PHACTR1: variants seen among roughly 807,000 people sequenced by gnomAD.
PHACTR1 encodes the protein RPEL repeat containing 1.
A neutral mutation model predicts 69.2 loss-of-function variants in PHACTR1; 16 were observed. The observed-to-expected ratio is 0.23, with a 90% CI of 0.16 to 0.35. PHACTR1 has a LOEUF of 0.35. Ranked by LOEUF, PHACTR1 falls within the 10% of genes least tolerant of loss-of-function variation. The pLI is 1.00. For missense variants in PHACTR1, 510 were observed against 734.7 expected, an observed-to-expected ratio of 0.69 and a Z score of 3.54; for synonymous variants, 312 against 284.5, an observed-to-expected ratio of 1.10 and a Z score of -0.97.
intron 4 of PHACTR1, among the ~76,000 whole-genome samples, chr6:13,006,669 A>T (rs1485101482): frequency 6.6e-6 from 1 of 152,126 alleles, no homozygotes; most frequent in East Asian, 1.9e-4. Flanking sequence ...ATACACACAC[A>T]CACACACACA....
At chr6:12,739,335 C>G (rs1581517291) in intron 3 of PHACTR1, among the ~76,000 whole-genome samples, 1 of 151,270 alleles carries the variant, frequency 6.6e-6, no homozygotes, top group East Asian at 1.9e-4. Flanking sequence ...CGAGACACAC[C>G]AAAAAAAGAC....
rs368581872 is a variant in PHACTR1 at position 13,272,416 on chromosome 6, C to A, written c.1392-444C>A. On this transcript the variant is annotated intron_variant, in intron 10 of 14. Transcript: ENST00000332995. ...CACATTCTCTCACATGTCCCCGGGG[C>A]CACAGACCTCTTTATGTTCTAACTG... 3.3e-4 allele frequency: 59 copies of A among 177,058 alleles called. No individual in the cohort carries two copies. In the East Asian group the frequency reaches 8.8e-3, roughly 26 times the overall value. The allele number at this position is 177,058 out of a possible 1,614,324, so 11.0% of individuals were successfully genotyped here. A position where few individuals can be genotyped will look rare whatever the true frequency, so the allele number is the denominator to read the frequency against.
intron 5 of PHACTR1, among the ~76,000 whole-genome samples, chr6:13,142,429 T>C (rs913911501): frequency 1.3e-5 from 2 of 152,186 alleles, no homozygotes. Context: ...TTACTTTGGG[T>C]ATGTGTATGT....
chr6:12,966,248 A>T (rs748512177), intron 4 of PHACTR1, among the ~76,000 whole-genome samples: 5 of 152,094 alleles, frequency 3.3e-5, no homozygotes, highest in Non-Finnish European at 7.4e-5. Context: ...CTTCCTGAGC[A>T]CTCACTGTGT....
At chr6:13,226,856 C>T (rs201666246) in intron 8 of PHACTR1, among the ~76,000 whole-genome samples, 2 of 151,678 alleles carry the variant, frequency 1.3e-5, no homozygotes, top group Non-Finnish European at 2.9e-5. Context: ...TCCTGCCTCA[C>T]CCTCCCAAGT....
At chr6:12,790,012 A>G (rs1435814409) in intron 4 of PHACTR1, among the ~76,000 whole-genome samples, 1 of 145,296 alleles carries the variant, frequency 6.9e-6, no homozygotes, top group Non-Finnish European at 1.5e-5. Context: ...ACATCTTACG[A>G]CCTCCATTGC....
At chr6:12,977,172 G>C (rs1056341697) in intron 4 of PHACTR1, among the ~76,000 whole-genome samples, 6 of 152,040 alleles carry the variant, frequency 3.9e-5, no homozygotes, top group Non-Finnish European at 8.8e-5. Flanking sequence ...GGCTGGTCTT[G>C]AACTCTTGAC....
At chr6:12,914,052 T>C (rs1490961776) in intron 4 of PHACTR1, among the ~76,000 whole-genome samples, 3 of 152,204 alleles carry the variant, frequency 2.0e-5, no homozygotes, top group Non-Finnish European at 2.9e-5. Context: ...TACTGCTACC[T>C]CCGCCTCCCA....
In PHACTR1 at chr6:13,182,696, C is replaced by T. The variant is rs143168559; in HGVS notation, c.664+10C>T. 7.5e-4 allele frequency: 1,149 copies of T among 1,524,124 alleles called. No homozygotes were observed. The highest frequency in any genetic ancestry group is 9.3e-4 in the Non-Finnish European group (1,056 of 1,139,988). 94.4% of individuals were successfully genotyped at this position (1,524,124 alleles called of 1,614,324 possible). On this transcript the variant is annotated intron_variant, in intron 7 of 14. Coordinates refer to ENST00000332995, the MANE Select transcript of PHACTR1 (RefSeq NM_030948.6). ...ATCATGGATGGGCCAGGTAATGCCC[C>T]GGCAGGATTGTAGAGCAGGTCCCAG...
chr6:13,266,125 AGTGAACAGCATTCCCATCCATCTAG>A (rs1776663872), intron 10 of PHACTR1, among the ~76,000 whole-genome samples: 1 of 152,044 alleles, frequency 6.6e-6, no homozygotes, highest in Non-Finnish European at 1.5e-5. Flanking sequence ...TGCCTGCCTC[AGTGAACAGCATTCCCATCCATCTAG>A]TTGCATGAGT....
intron 4 of PHACTR1, among the ~76,000 whole-genome samples, chr6:12,871,583 T>C (rs145954662): frequency 0.016 from 2,427 of 152,246 alleles, 37 homozygotes; most frequent in Middle Eastern, 0.027. Context: ...CCTGATATTT[T>C]CTGAAAACTG....
At chr6:13,099,351 C>G in intron 5 of PHACTR1, among the ~76,000 whole-genome samples, 1 of 152,356 alleles carries the variant, frequency 6.6e-6, no homozygotes, top group South Asian at 2.1e-4. Flanking sequence ...TCTGTTGAGT[C>G]TTACACATTC....
At chr6:13,104,602 A>G (rs1815782014) in intron 5 of PHACTR1, among the ~76,000 whole-genome samples, 1 of 152,204 alleles carries the variant, frequency 6.6e-6, no homozygotes, top group East Asian at 1.9e-4. Flanking sequence ...GTTTTATTCC[A>G]TTAACTTATG....
chr6:13,215,700 A>T (rs1034827854), intron 8 of PHACTR1, among the ~76,000 whole-genome samples: 11 of 152,254 alleles, frequency 7.2e-5, no homozygotes, highest in African/African-American at 2.7e-4. Flanking sequence ...AAGAAAAACC[A>T]TACAGGTCGG....
At chr6:12,962,935 A>T (rs1792935966) in intron 4 of PHACTR1, among the ~76,000 whole-genome samples, 1 of 152,216 alleles carries the variant, frequency 6.6e-6, no homozygotes, top group African/African-American at 2.4e-5. Context: ...CAGCATGAAC[A>T]GTGATATTCA....
intron 8 of PHACTR1, among the ~76,000 whole-genome samples, chr6:13,215,089 G>T (rs1767463881): frequency 6.6e-6 from 1 of 152,182 alleles, no homozygotes; most frequent in Admixed American, 6.5e-5. Flanking sequence ...TGTAAACCTT[G>T]AATGAAAACA....
At chr6:13,090,051 TTTG>T (rs201750438) in intron 5 of PHACTR1, among the ~76,000 whole-genome samples, 8 of 152,206 alleles carry the variant, frequency 5.3e-5, no homozygotes, top group South Asian at 2.1e-4. Flanking sequence ...TTTGGGTTTT[TTTG>T]TTGTTGTTGT....
At chr6:13,109,363 A>C (rs1222269709) in intron 5 of PHACTR1, among the ~76,000 whole-genome samples, 1 of 151,978 alleles carries the variant, frequency 6.6e-6, no homozygotes, top group Non-Finnish European at 1.5e-5. Context: ...TGTTTATCTG[A>C]AAAGTTCTTG....
At chr6:12,992,904 G>T (rs960004464) in intron 4 of PHACTR1, among the ~76,000 whole-genome samples, 4 of 151,954 alleles carry the variant, frequency 2.6e-5, no homozygotes, top group African/African-American at 9.7e-5. Context: ...TACATAGTGC[G>T]TGAAGAAGCT....
Sources: allele counts gnomAD v4.1 joint callset (sites outside exome capture counted in the v4.1 genomes callset), GRCh38; gene constraint gnomAD v4.1.1; transcripts MANE v1.5; gene names NCBI Gene and HGNC (gene_info 2026-07-23, HGNC 2026-07-21).